PRELID2: variants seen among roughly 807,000 people sequenced by gnomAD.
PRELID2 encodes the protein PRELI domain-containing protein 2.
PRELID2 carries 25 observed loss-of-function variants against 28.4 expected under a neutral mutation model. The observed-to-expected ratio is 0.88, with a 90% confidence interval of 0.64 to 1.23. PRELID2 has a LOEUF of 1.23. Among genes scored for constraint, PRELID2 ranks in the 50% most tolerant of loss-of-function variants. The probability of loss-of-function intolerance (pLI) is 0.00; values close to 1 mark genes in which losing one functional copy is unlikely to be tolerated. For missense variants in PRELID2, 201 were observed against 214.4 expected, an observed-to-expected ratio of 0.94 and a Z score of 0.39; for synonymous variants, 76 against 71.6, an observed-to-expected ratio of 1.06 and a Z score of -0.31.
chr5:145,668,972 A>G (rs1237471166), intron 1 of PRELID2, among the ~76,000 whole-genome samples: 2 of 152,042 alleles, frequency 1.3e-5, no homozygotes, highest in Non-Finnish European at 2.9e-5. Flanking sequence ...CAGCGGTTTC[A>G]GGTATCATAT....
chr5:145,539,071 G>C (rs4470805), intron 1 of PRELID2, among the ~76,000 whole-genome samples: 34,708 of 151,670 alleles, frequency 0.23, 4,535 homozygotes, highest in African/African-American at 0.37. Context: ...GAAAGGCAAT[G>C]AGATAAGAAA....
At chr5:145,296,398 G>A in the PRELID2 span, among the ~76,000 whole-genome samples, 7 of 136,880 alleles carry the variant, frequency 5.1e-5, no homozygotes, top group African/African-American at 1.9e-4. Flanking sequence ...GTGTCCATGT[G>A]TTCTCATTGT....
chr5:145,417,738 G>C, the PRELID2 span, among the ~76,000 whole-genome samples: 1 of 152,056 alleles, frequency 6.6e-6, no homozygotes, highest in Admixed American at 6.6e-5. Flanking sequence ...ATATTGAAGG[G>C]ACATATCTCA....
At chr5:145,512,391 T>A (rs1170856687) in intron 1 of PRELID2, among the ~76,000 whole-genome samples, 3 of 152,138 alleles carry the variant, frequency 2.0e-5, no homozygotes, top group Admixed American at 6.5e-5. Context: ...GAACTTAAAC[T>A]GGAAAGAGCC....
At chr5:145,611,614 T>G (rs1753617638) in intron 1 of PRELID2, among the ~76,000 whole-genome samples, 2 of 152,218 alleles carry the variant, frequency 1.3e-5, no homozygotes, top group African/African-American at 4.8e-5. Flanking sequence ...ACAGAAACAT[T>G]GTATTATTGG....
rs546856309 is a variant in PRELID2, at chr5:145,798,009, A to G, written c.369-1462T>C. ...GCAAGAATAAAATGAGACTATCAAC[A>G]AAAAGAAACTATGAGAAAAATGAGA... On this transcript the variant is annotated intron_variant, in intron 4 of 6. Transcript: ENST00000683046. 8.5e-5 allele frequency among the ~76,000 whole-genome samples: 13 copies of G among 152,080 alleles called. No homozygotes were observed. The East Asian group carries it at 2.3e-3, about 27-fold the overall frequency.
chr5:145,514,226 T>C (rs1405272635), intron 1 of PRELID2, among the ~76,000 whole-genome samples: 1 of 151,128 alleles, frequency 6.6e-6, no homozygotes, highest in Non-Finnish European at 1.5e-5. Flanking sequence ...GACCCATCAG[T>C]GTGCTGTATT....
At chr5:145,455,986 C>T in the PRELID2 span, among the ~76,000 whole-genome samples, 1 of 152,138 alleles carries the variant, frequency 6.6e-6, no homozygotes, top group Non-Finnish European at 1.5e-5. Context: ...TCCTATTTGG[C>T]CATCTTGCCA....
At chr5:145,345,775 G>C in the PRELID2 span, among the ~76,000 whole-genome samples, 46 of 152,130 alleles carry the variant, frequency 3.0e-4, no homozygotes, top group African/African-American at 1.1e-3. Flanking sequence ...AGGGATTCAA[G>C]ATTCAAGATT....
At chr5:145,229,472 A>G in the PRELID2 span, 1 of 958,482 alleles carries the variant, frequency 1.0e-6, no homozygotes, top group East Asian at 2.4e-5. Flanking sequence ...AGCCCCCAAC[A>G]CCCCTGACAT....
At chr5:145,293,379 A>G in the PRELID2 span, among the ~76,000 whole-genome samples, 7 of 152,180 alleles carry the variant, frequency 4.6e-5, no homozygotes, top group Non-Finnish European at 8.8e-5. Flanking sequence ...TGCCAGGCCT[A>G]ATGTGAAGTA....
chr5:145,394,132 G>A, the PRELID2 span, among the ~76,000 whole-genome samples: 3 of 152,108 alleles, frequency 2.0e-5, no homozygotes, highest in African/African-American at 7.2e-5. Flanking sequence ...ACATGTACAT[G>A]TATGTTTATA....
intron 1 of PRELID2, among the ~76,000 whole-genome samples, chr5:145,686,378 C>A (rs908547784): frequency 6.6e-6 from 1 of 152,076 alleles, no homozygotes; most frequent in African/African-American, 2.4e-5. Flanking sequence ...AATATGTATG[C>A]CTTCTCATTA....
intron 1 of PRELID2, among the ~76,000 whole-genome samples, chr5:145,738,494 TA>T (rs1335121998): frequency 4.0e-5 from 6 of 151,688 alleles, no homozygotes; most frequent in African/African-American, 1.5e-4. Flanking sequence ...ATAGAAGATA[TA>T]AAGAGCCAAA....
In PRELID2 at chr5:145,487,244, T is replaced by TAA. The variant is rs61513901; in HGVS notation, n.71-13931_71-13930dup. ...TACCCTAAAACTTAAAGTATAATAA[T>TAA]AAAAAAAAAGACTAAGTCGTCAGGG... On this transcript the variant is annotated intron_variant and non_coding_transcript_variant, in intron 1 of 2. Transcript: ENST00000510259. Among the ~76,000 whole-genome samples the TAA allele has an allele frequency of 3.4e-5, 5 of 148,842 alleles. 1 individual carries two copies. The highest frequency in any genetic ancestry group is 4.3e-4 in the South Asian group (2 of 4,646).
At chr5:145,626,075 T>C (rs927963832) in intron 1 of PRELID2, among the ~76,000 whole-genome samples, 3 of 151,968 alleles carry the variant, frequency 2.0e-5, no homozygotes, top group African/African-American at 4.8e-5. Context: ...AGTATAAAAA[T>C]CCTAGAAGAA....
chr5:145,765,839 C>T (rs1460604411), intron 5 of PRELID2, among the ~76,000 whole-genome samples: 7 of 152,124 alleles, frequency 4.6e-5, no homozygotes. Context: ...CTATCCTTAC[C>T]CACATTTTAC....
chr5:145,636,701 G>T (rs930978784), intron 1 of PRELID2, among the ~76,000 whole-genome samples: 2 of 152,140 alleles, frequency 1.3e-5, no homozygotes, highest in Non-Finnish European at 2.9e-5. Flanking sequence ...TATCTAAAGG[G>T]AATGAAAATA....
At chr5:145,810,284 T>A (rs1753837729) in intron 4 of PRELID2, among the ~76,000 whole-genome samples, 1 of 152,190 alleles carries the variant, frequency 6.6e-6, no homozygotes, top group Non-Finnish European at 1.5e-5. Context: ...AAATAGAGCA[T>A]GAGCATGGCA....
Sources: gnomAD v4.1 joint callset for allele counts (sites outside exome capture counted in the v4.1 genomes callset) on GRCh38, gnomAD v4.1.1 for gene constraint, MANE v1.5 for transcripts, NCBI Gene and HGNC (gene_info 2026-07-23, HGNC 2026-07-21) for gene names.